Variants in FBXW7 observed in about 807,000 individuals in gnomAD.
FBXW7 encodes F-box/WD repeat-containing protein 7.
Under a neutral mutation model 86.3 loss-of-function variants are expected in FBXW7, and 11 were observed. The observed-to-expected ratio is 0.13, with a 90% CI of 0.08 to 0.21. The LOEUF (loss-of-function observed/expected upper bound fraction) is 0.21, where lower values mean the gene tolerates loss of function less well. FBXW7 is among the 10% of genes least tolerant of loss of function. The pLI is 1.00. For missense variants in FBXW7, 488 were observed against 847.4 expected, an observed-to-expected ratio of 0.58 and a Z score of 5.27; for synonymous variants, 313 against 297.9, an observed-to-expected ratio of 1.05 and a Z score of -0.52.
At chr4:152,464,781 T>G (rs1743257254) in intron 2 of FBXW7, among the ~76,000 whole-genome samples, 1 of 152,232 alleles carries the variant, frequency 6.6e-6, no homozygotes, top group African/African-American at 2.4e-5. Flanking sequence ...CGTCTATGTA[T>G]GTGGCTTAAT....
intron 2 of FBXW7, among the ~76,000 whole-genome samples, chr4:152,448,569 A>C (rs1048105101): frequency 6.6e-6 from 1 of 152,184 alleles, no homozygotes; most frequent in Non-Finnish European, 1.5e-5. Flanking sequence ...AAGAAGAAAT[A>C]ATGCTGCAGC....
At chr4:152,441,955 T>C (rs1163589244) in intron 2 of FBXW7, among the ~76,000 whole-genome samples, 2 of 152,186 alleles carry the variant, frequency 1.3e-5, no homozygotes, top group Admixed American at 6.5e-5. Context: ...AATCACACAT[T>C]GTAGGGTAAA....
At position 152,411,149 on chromosome 4, in the gene FBXW7, C is replaced by T. The variant is rs75344296; in HGVS notation, c.501+154G>A. The T allele has an allele frequency of 3.5e-6, 4 of 1,155,784 alleles. No individual in the cohort carries two copies. The African/African-American group carries it at 4.7e-5, about 13-fold the overall frequency. 71.6% of individuals were successfully genotyped at this position (1,155,784 alleles called of 1,614,324 possible). On this transcript the variant is annotated intron_variant, in intron 4 of 13. Coordinates refer to ENST00000281708, the MANE Select transcript of FBXW7 (RefSeq NM_001349798.2). ...TCAGTATTTCTACTTGTAATACTTT[C>T]CATTACCTTCTGTAAGACAAAAAAC...
rs956897282 is a variant in FBXW7, at chr4:152,385,309, T to G, written c.501+25994A>C. 2.0e-5 allele frequency among the ~76,000 whole-genome samples: 3 copies of G among 152,096 alleles called. No homozygotes were observed. The East Asian group carries it at 5.8e-4, about 29-fold the overall frequency. On this transcript the variant is annotated intron_variant, in intron 4 of 13. Coordinates refer to ENST00000281708, the MANE Select transcript of FBXW7 (RefSeq NM_001349798.2). ...TTCATTTGGCATTTAGAAAAATGAATCAAAGACCTAGTTAGCCATCAGTGG... is the reference window on the plus strand; with the variant it reads ...TTCATTTGGCATTTAGAAAAATGAAGCAAAGACCTAGTTAGCCATCAGTGG...
At chr4:152,385,661 A>G (rs1735462915) in intron 4 of FBXW7, among the ~76,000 whole-genome samples, 1 of 152,090 alleles carries the variant, frequency 6.6e-6, no homozygotes, top group African/African-American at 2.4e-5. Flanking sequence ...GAACACAATT[A>G]AGGCTGTTTG....
At chr4:152,413,375 CAACTGGACATGATGGG>C in intron 2 of FBXW7, among the ~76,000 whole-genome samples, 1 of 151,944 alleles carries the variant, frequency 6.6e-6, no homozygotes, top group East Asian at 1.9e-4. Flanking sequence ...GTTTTCTTGG[CAACTGGACATGATGGG>C]AATAGAAATG....
rs144055879 is a variant in FBXW7 at position 152,495,787 on chromosome 4, A to G, written c.-120+39154T>C. Among the ~76,000 whole-genome samples, 827 of 152,312 alleles carry G rather than the reference A, an allele frequency of 5.4e-3. 11 individuals are homozygous for G. The highest frequency in any genetic ancestry group is 0.019 in the African/African-American group (782 of 41,552). ...TACATAGGTCAATAACAGAAGAAAA[A>G]TATAAAGACATAGGCTTAGAAAGCA... On this transcript the variant is annotated intron_variant, in intron 2 of 13. Coordinates refer to ENST00000281708, the MANE Select transcript of FBXW7 (RefSeq NM_001349798.2).
At chr4:152,359,875 T>C (rs950640293) in intron 4 of FBXW7, among the ~76,000 whole-genome samples, 2 of 152,166 alleles carry the variant, frequency 1.3e-5, no homozygotes, top group Non-Finnish European at 2.9e-5. Flanking sequence ...GTTATTTTAA[T>C]AGTCTGGGAG....
At chr4:152,486,007 G>A (rs529947808) in intron 2 of FBXW7, among the ~76,000 whole-genome samples, 2 of 152,272 alleles carry the variant, frequency 1.3e-5, no homozygotes, top group South Asian at 4.1e-4. Flanking sequence ...ATTGCTCCTA[G>A]GCTACAAACC....
intron 2 of FBXW7, among the ~76,000 whole-genome samples, chr4:152,487,419 T>C (rs1745440321): frequency 6.6e-6 from 1 of 152,012 alleles, no homozygotes; most frequent in South Asian, 2.1e-4. Context: ...TACATACAAA[T>C]ATCAACATGA....
At chr4:152,349,115 G>A (rs1731552909) in intron 5 of FBXW7, among the ~76,000 whole-genome samples, 1 of 151,860 alleles carries the variant, frequency 6.6e-6, no homozygotes. Context: ...GGCACAATCT[G>A]CAACAATGTT....
chr4:152,503,646 TA>T (rs59515223), intron 2 of FBXW7, among the ~76,000 whole-genome samples: 2,539 of 142,230 alleles, frequency 0.018, 21 homozygotes, highest in Middle Eastern at 0.039. Flanking sequence ...TATGTAGCTG[TA>T]AAAAAAAAAA....
rs573958034 is a variant in FBXW7, at chr4:152,424,457, C to T, written c.-119-11928G>A. On this transcript the variant is annotated intron_variant, in intron 2 of 13. Coordinates refer to ENST00000281708, the MANE Select transcript of FBXW7 (RefSeq NM_001349798.2). ...CAAACATCCAAAACTTAGAATAGTTCTATTACTTAAAACTCTCTTCATCTC... is the reference window on the plus strand; with the variant it reads ...CAAACATCCAAAACTTAGAATAGTTTTATTACTTAAAACTCTCTTCATCTC... Among the ~76,000 whole-genome samples, 14 of 152,228 alleles carry T rather than the reference C, an allele frequency of 9.2e-5. No homozygotes were observed. In the South Asian group the frequency reaches 2.7e-3, roughly 29 times the overall value.
At chr4:152,407,878 T>A (rs1373779298) in intron 4 of FBXW7, among the ~76,000 whole-genome samples, 1 of 152,206 alleles carries the variant, frequency 6.6e-6, no homozygotes, top group African/African-American at 2.4e-5. Flanking sequence ...CTAATTTTTG[T>A]ATTTTTTGTA....
At chr4:152,529,356 T>C (rs1342479467) in intron 2 of FBXW7, among the ~76,000 whole-genome samples, 1 of 152,160 alleles carries the variant, frequency 6.6e-6, no homozygotes, top group Non-Finnish European at 1.5e-5. Context: ...ACTCTTTTTT[T>C]AAAAGGAAGA....
At chr4:152,424,567 T>C (rs1369620346) in intron 2 of FBXW7, among the ~76,000 whole-genome samples, 1 of 152,200 alleles carries the variant, frequency 6.6e-6, no homozygotes, top group Admixed American at 6.5e-5. Flanking sequence ...CACAGCCCAC[T>C]TGTTTTAAGC....
chr4:152,374,896 G>GA (rs1553964097), intron 4 of FBXW7, among the ~76,000 whole-genome samples: 2 of 151,794 alleles, frequency 1.3e-5, no homozygotes, highest in Non-Finnish European at 2.9e-5. Flanking sequence ...GAGGGGGGGG[G>GA]ATGATGCTGG....
At chr4:152,340,016 G>C (rs2126599853) in intron 6 of FBXW7, among the ~76,000 whole-genome samples, 1 of 150,152 alleles carries the variant, frequency 6.7e-6, no homozygotes, top group African/African-American at 2.5e-5. Context: ...AGACAGAACA[G>C]ATGAACAGAT....
At chr4:152,379,005 CA>C (rs1419888377) in intron 4 of FBXW7, among the ~76,000 whole-genome samples, 1 of 151,550 alleles carries the variant, frequency 6.6e-6, no homozygotes, top group African/African-American at 2.4e-5. Flanking sequence ...GACACTGTCC[CA>C]AAAAAAGCAA....
Sources: allele counts gnomAD v4.1 joint callset (sites outside exome capture counted in the v4.1 genomes callset), GRCh38; gene constraint gnomAD v4.1.1; transcripts MANE v1.5; gene names NCBI Gene and HGNC (gene_info 2026-07-23, HGNC 2026-07-21).